Variants in OXGR1 observed in about 807,000 individuals in gnomAD.
OXGR1 encodes the protein oxoglutarate receptor 1.
OXGR1 carries 10 observed loss-of-function variants against 10.0 expected under a neutral mutation model. The ratio of observed to expected loss-of-function variants is 1.00; its 90% CI spans 0.62 to 1.70. OXGR1 has a LOEUF of 1.70. Ranked by LOEUF, OXGR1 falls within the 40% of genes most tolerant of loss-of-function variation. The pLI is 0.00. For synonymous variants in OXGR1, 191 were observed against 155.9 expected, an observed-to-expected ratio of 1.22 and a Z score of -1.68; for missense variants, 398 against 407.6, an observed-to-expected ratio of 0.98 and a Z score of 0.20.
At position 96,987,511 on chromosome 13, in the gene OXGR1, C is replaced by A; in HGVS notation, c.249G>T (p.Leu83=). Reference sequence around the variant, plus strand: ...AGTGAATCAGGAAGGGGAGGCTGGTCAGATACAGCAGATCTGTGCAGGCCA... The same window carrying A: ...AGTGAATCAGGAAGGGGAGGCTGGTAAGATACAGCAGATCTGTGCAGGCCA... ...LNLACTDLLY[L]TSLPFLIHYY... The change falls in exon 4 of 4, where the codon CTG becomes CTT. Residue 83 remains leucine, a synonymous_variant. Transcript: ENST00000541038. The A allele has an allele frequency of 1.2e-6, 2 of 1,614,106 alleles. No individual in the cohort carries two copies. Among genetic ancestry groups the A allele is most frequent in the South Asian group, 2.2e-5 (2 of 91,036 alleles).
intron 2 of OXGR1, among the ~76,000 whole-genome samples, chr13:96,991,431 G>T (rs1294218291): frequency 1.3e-5 from 2 of 152,152 alleles, no homozygotes; most frequent in African/African-American, 4.8e-5. Context: ...ACAACCCTGG[G>T]TATATTCCCT....
chr13:96,990,826 A>G (rs547939113), intron 2 of OXGR1, among the ~76,000 whole-genome samples: 3 of 151,500 alleles, frequency 2.0e-5, no homozygotes, highest in Non-Finnish European at 4.4e-5. Flanking sequence ...GCCCATGCCT[A>G]TAGTCCCAGC....
intron 3 of OXGR1, among the ~76,000 whole-genome samples, chr13:96,989,131 G>A (rs1001427261): frequency 1.1e-4 from 16 of 152,146 alleles, no homozygotes; most frequent in Non-Finnish European, 1.6e-4. Context: ...AAAATATTAC[G>A]TGATTGTTAG....
At chr13:96,993,746 G>A (rs1392129322) in intron 1 of OXGR1, among the ~76,000 whole-genome samples, 1 of 144,004 alleles carries the variant, frequency 6.9e-6, no homozygotes, top group African/African-American at 2.6e-5. Flanking sequence ...CGAATCCATA[G>A]CAACGAAACA....
intron 2 of OXGR1, among the ~76,000 whole-genome samples, chr13:96,990,122 C>G (rs967856426): frequency 6.6e-6 from 1 of 152,194 alleles, no homozygotes; most frequent in Admixed American, 6.5e-5. Context: ...TCATAGGAGT[C>G]AGGGACTGCT....
In OXGR1 at chr13:96,987,014, G is replaced by C; in HGVS notation, c.746C>G (p.Ala249Gly). 1 of 1,614,188 alleles carries C rather than the reference G, an allele frequency of 6.2e-7. No individual in the cohort carries two copies. Among genetic ancestry groups the C allele is most frequent in the Non-Finnish European group, 8.5e-7 (1 of 1,180,040 alleles). Residue 249 changes from alanine to glycine, a missense_variant, in exon 4 of 4, where the codon GCA becomes GGA. Physicochemically the swap from Ala to Gly is moderately conservative, Grantham distance 60 (BLOSUM62 0). Transcript: ENST00000541038. Reference sequence around the variant, plus strand: ...GAAGGGTAAAAAACATACGTAAAATGCAAGGAGTAGCAGAATGGTTAGCCT... The same window carrying C: ...GAAGGGTAAAAAACATACGTAAAATCCAAGGAGTAGCAGAATGGTTAGCCT... ...ARRLTILLLL[A>G]FYVCFLPFHI... is the part of the protein sequence containing the mutation.
In OXGR1 at chr13:96,990,946, C is replaced by CAAAAAAAAAA. The variant is rs765856782; in HGVS notation, c.-126-1147_-126-1138dup. Among the ~76,000 whole-genome samples, 14 of 97,166 alleles carry CAAAAAAAAAA rather than the reference C, an allele frequency of 1.4e-4. 1 individual carries two copies. Among genetic ancestry groups the CAAAAAAAAAA allele is most frequent in the African/African-American group, 5.2e-4 (11 of 21,064 alleles). 63.7% of individuals were successfully genotyped at this position (97,166 alleles called of 152,430 possible). On this transcript the variant is annotated intron_variant, in intron 2 of 3. Transcript: ENST00000541038. Reference sequence around the variant, plus strand: ...CCTGAGTGACACAGCAAGACTCTTTCAAAAAAAAAAAAAAAAGCAAGCTTA... The same window carrying CAAAAAAAAAA: ...CCTGAGTGACACAGCAAGACTCTTTCAAAAAAAAAAAAAAAAAAAAAAAAAAGCAAGCTTA...
Position 96,987,593 on chromosome 13 carries a change from GA to G in OXGR1, c.166del (p.Ser56ProfsTer7). The G allele has an allele frequency of 1.2e-6, 2 of 1,614,108 alleles. No homozygotes were observed. The highest frequency in any genetic ancestry group is 1.7e-6 in the Non-Finnish European group (2 of 1,180,010). ...VGFPGNAVVI[S>X]TYIFKMRPWK... is the part of the protein sequence containing the mutation. The stretch of plus-strand genomic sequence containing the variant: ...AGGTCTCATTTTGAAAATGTAAGTG[GA>G]TATCACTACTGCATTGCCTGGAAAT... On this transcript the variant is annotated frameshift_variant, in exon 4 of 4. Coordinates refer to ENST00000541038, the MANE Select transcript of OXGR1 (RefSeq NM_001346194.2). LOFTEE classifies it high-confidence loss of function.
At chr13:96,988,522 A>G (rs1019865444) in intron 3 of OXGR1, among the ~76,000 whole-genome samples, 2 of 152,210 alleles carry the variant, frequency 1.3e-5, no homozygotes. Flanking sequence ...TTTGTGGTAG[A>G]TTTAATTGCA....
At chr13:96,991,621 T>C (rs1441353454) in intron 2 of OXGR1, among the ~76,000 whole-genome samples, 2 of 152,176 alleles carry the variant, frequency 1.3e-5, no homozygotes, top group Admixed American at 1.3e-4. Context: ...AATAAACTTG[T>C]GAAGAAAAAG....
rs1167960561 is a variant in OXGR1 at position 96,992,451 on chromosome 13, A to T, written c.-156T>A. On this transcript the variant is annotated 5_prime_UTR_variant, in exon 2 of 4. Transcript: ENST00000541038. ...TTAGCCTTTTTTTCTCTGAAATTGG[A>T]AAGTAGCTGTGATTGTTTGAGGCTA... is the stretch of plus-strand genomic sequence containing the variant. 6.6e-6 allele frequency: 1 copy of T among 152,186 alleles called. No individual in the cohort carries two copies. The highest frequency in any genetic ancestry group is 1.5e-5 in the Non-Finnish European group (1 of 68,028). The allele number at this position is 152,186 out of a possible 1,614,324, so 9.4% of individuals were successfully genotyped here.
intron 1 of OXGR1, 73 bp downstream of exon 1, chr13:96,994,225 G>C (rs748466493): frequency 5.3e-5 from 8 of 152,240 alleles, no homozygotes; most frequent in Non-Finnish European, 1.0e-4. Context: ...GTCTCCCTCC[G>C]GGTCAGGGCA....
rs192822479 is a variant in OXGR1 at position 96,989,796 on chromosome 13, T to G, written c.-113A>C. On this transcript the variant is annotated 5_prime_UTR_variant, in exon 3 of 4. Coordinates refer to ENST00000541038, the MANE Select transcript of OXGR1 (RefSeq NM_001346194.2). ...CTCTTCATGTGTATTTTGTTGATTTTCATCAGGATTACCCTAAATAATAGA... is the reference window on the plus strand; with the variant it reads ...CTCTTCATGTGTATTTTGTTGATTTGCATCAGGATTACCCTAAATAATAGA... 3.9e-5 allele frequency: 6 copies of G among 152,300 alleles called. No homozygotes were observed. In the East Asian group the frequency reaches 1.2e-3, roughly 29 times the overall value. 9.4% of individuals were successfully genotyped at this position (152,300 alleles called of 1,614,324 possible).
intron 2 of OXGR1, 128 bp from the exon 3 acceptor site, chr13:96,989,937 G>T (rs921727593): frequency 1.3e-5 from 2 of 152,154 alleles, no homozygotes; most frequent in South Asian, 2.1e-4. Flanking sequence ...GACCCCCAAG[G>T]ATACCAAAAT....
At position 96,987,625 on chromosome 13, in the gene OXGR1, G is replaced by T; in HGVS notation, c.135C>A (p.Leu45=). The T allele has an allele frequency of 6.2e-7, 1 of 1,614,096 alleles. No homozygotes were observed. The highest frequency in any genetic ancestry group is 1.1e-5 in the South Asian group (1 of 91,060). Residue 45 remains leucine, a synonymous_variant, in exon 4 of 4, where the codon CTC becomes CTA. Coordinates refer to ENST00000541038, the MANE Select transcript of OXGR1 (RefSeq NM_001346194.2). Reference sequence around the variant, plus strand: ...CTACTGCATTGCCTGGAAATCCCACGAGGAAGATAATGCCATAAATAACAG... The same window carrying T: ...CTACTGCATTGCCTGGAAATCCCACTAGGAAGATAATGCCATAAATAACAG... ...YLPVIYGIIF[L]VGFPGNAVVI...
Position 96,987,547 on chromosome 13 carries a change from AATG to A in OXGR1, c.210_212del (p.Ile71del). ...GATCTGTGCAGGCCAGGTTCAGCATAATGATGGTGCTGCTCTTCCAAGGTCTCA... is the reference window on the plus strand; with the variant it reads ...GATCTGTGCAGGCCAGGTTCAGCATAATGGTGCTGCTCTTCCAAGGTCTCA... On this transcript the variant is annotated inframe_deletion, in exon 4 of 4. Coordinates refer to ENST00000541038, the MANE Select transcript of OXGR1 (RefSeq NM_001346194.2). 1 of 1,614,122 alleles carries A rather than the reference AATG, an allele frequency of 6.2e-7. No individual in the cohort carries two copies. Among genetic ancestry groups the A allele is most frequent in the Non-Finnish European group, 8.5e-7 (1 of 1,179,982 alleles).
At position 96,992,563 on chromosome 13, in the gene OXGR1, T is replaced by G. The variant is rs1882110792; in HGVS notation, c.-268A>C. The G allele has an allele frequency of 6.6e-6, 1 of 152,158 alleles. No homozygotes were observed. The highest frequency in any genetic ancestry group is 2.1e-4 in the South Asian group (1 of 4,830). The allele number at this position is 152,158 out of a possible 1,614,324, so 9.4% of individuals were successfully genotyped here. On this transcript the variant is annotated 5_prime_UTR_variant, in exon 2 of 4. Transcript: ENST00000541038. ...CACCCAGGAACCTCACGGATTGGGA[T>G]TCCAAGATTCTGTGGGTAAAGAAGG...
At chr13:96,991,110 T>A (rs1001542832) in intron 2 of OXGR1, among the ~76,000 whole-genome samples, 1 of 152,212 alleles carries the variant, frequency 6.6e-6, no homozygotes, top group African/African-American at 2.4e-5. Flanking sequence ...AACAACTGCC[T>A]TATTGTTCTG....
In OXGR1 at chr13:96,987,349, G is replaced by T. The variant is rs1022124566; in HGVS notation, c.411C>A (p.His137Gln). Residue 137 changes from histidine to glutamine, a missense_variant, in exon 4 of 4, where the codon CAC (histidine) becomes CAA (glutamine). By Grantham distance (24) the His-to-Gln change is conservative. Coordinates refer to ENST00000541038, the MANE Select transcript of OXGR1 (RefSeq NM_001346194.2). The stretch of plus-strand genomic sequence containing the variant: ...TGTGAATGGAAAAGCAGCTCATTGG[G>T]TGAATGATCACACAGTAGCGGAAGA... ...FSIFRYCVIIHPMSCFSIHKT... is the reference protein window; with the variant it reads ...FSIFRYCVIIQPMSCFSIHKT... The T allele has an allele frequency of 6.2e-7, 1 of 1,614,098 alleles. No individual in the cohort carries two copies. The highest frequency in any genetic ancestry group is 1.3e-5 in the African/African-American group (1 of 74,922).
Sources: gnomAD v4.1 joint callset for allele counts (sites outside exome capture counted in the v4.1 genomes callset) on GRCh38, gnomAD v4.1.1 for gene constraint, MANE v1.5 for transcripts, NCBI Gene and HGNC (gene_info 2026-07-23, HGNC 2026-07-21) for gene names.